Variants in CHM observed in about 807,000 individuals in gnomAD.
The protein encoded by CHM is CHM Rab escort protein.
CHM carries 10 observed loss-of-function variants against 49.0 expected under a neutral mutation model. That is an observed-to-expected ratio of 0.20 (90% CI 0.13 to 0.35). CHM has a LOEUF of 0.35. Among genes scored for constraint, CHM ranks in the 10% least tolerant of loss-of-function variants. CHM has a pLI of 1.00. For missense variants in CHM, 455 were observed against 478.4 expected, an observed-to-expected ratio of 0.95 and a Z score of 0.46; for synonymous variants, 184 against 167.5, an observed-to-expected ratio of 1.10 and a Z score of -0.76.
intron 8 of CHM, among the ~76,000 whole-genome samples, chrX:85,922,833 T>C (rs1445779981): frequency 2.7e-5 from 3 of 111,773 alleles, no homozygotes; most frequent in African/African-American, 6.5e-5. Flanking sequence ...TCATTATCTA[T>C]AAGGTTTTAC....
intron 2 of CHM, among the ~76,000 whole-genome samples, chrX:85,991,337 C>CT (rs1932177088): frequency 9.0e-6 from 1 of 111,548 alleles, no homozygotes; most frequent in Non-Finnish European, 1.9e-5. Context: ...ATTTGCAGAA[C>CT]TGCAATTGAA....
At chrX:85,956,012 T>C (rs1929988899) in intron 8 of CHM, 141 bp downstream of exon 8, 4 of 488,136 alleles carry the variant, frequency 8.2e-6, no homozygotes, top group Admixed American at 3.8e-5. Flanking sequence ...GGTAGGTAAA[T>C]AGATTATAAA....
intron 8 of CHM, among the ~76,000 whole-genome samples, chrX:85,939,613 G>A (rs1199956650): frequency 8.9e-6 from 1 of 112,471 alleles, no homozygotes; most frequent in Admixed American, 9.4e-5. Context: ...ATTAAGGGTG[G>A]AATATGAAGG....
At chrX:85,920,148 T>G (rs1239349527) in intron 8 of CHM, among the ~76,000 whole-genome samples, 1 of 109,167 alleles carries the variant, frequency 9.2e-6, no homozygotes, top group Non-Finnish European at 1.9e-5. Context: ...CAGGCTGGAG[T>G]GCAGTGGCGC....
At chrX:86,014,610 C>G (rs1213294267) in intron 2 of CHM, among the ~76,000 whole-genome samples, 1 of 112,549 alleles carries the variant, frequency 8.9e-6, no homozygotes, top group Non-Finnish European at 1.9e-5. Context: ...GGGGTGTCCC[C>G]GGCTGTGGAG....
intron 7 of CHM, among the ~76,000 whole-genome samples, chrX:85,957,441 T>C (rs1339654054): frequency 4.5e-5 from 5 of 110,737 alleles, no homozygotes; most frequent in Non-Finnish European, 7.6e-5. Context: ...AAAGCAATCC[T>C]GGAAAATGAT....
At chrX:85,886,365 T>A (rs1403016013) in intron 12 of CHM, among the ~76,000 whole-genome samples, 1 of 111,930 alleles carries the variant, frequency 8.9e-6, no homozygotes, top group East Asian at 2.8e-4. Flanking sequence ...TCTATTGTGC[T>A]CAGGATATGC....
At chrX:86,008,847 G>A (rs1182211992) in intron 2 of CHM, among the ~76,000 whole-genome samples, 2 of 112,348 alleles carry the variant, frequency 1.8e-5, no homozygotes, top group Admixed American at 1.9e-4. Flanking sequence ...CAACTGTACT[G>A]TGGGCCACAG....
At chrX:85,873,525 G>A (rs1288620934) in intron 13 of CHM, among the ~76,000 whole-genome samples, 1 of 111,170 alleles carries the variant, frequency 9.0e-6, no homozygotes, top group Non-Finnish European at 1.9e-5. Context: ...TGTTTCAAAT[G>A]GACAAACCAA....
intron 2 of CHM, among the ~76,000 whole-genome samples, chrX:86,008,606 T>G (rs1932927628): frequency 8.9e-6 from 1 of 111,992 alleles, no homozygotes; most frequent in African/African-American, 3.2e-5. Context: ...CTTCCCTTAA[T>G]AAACAGCTAT....
intron 12 of CHM, among the ~76,000 whole-genome samples, chrX:85,888,776 C>T (rs1023531905): frequency 8.0e-5 from 9 of 112,011 alleles, no homozygotes; most frequent in African/African-American, 2.9e-4. Context: ...AACTTTGAGA[C>T]AATAATTGCT....
Position 85,955,183 on chromosome X carries a change from G to T in CHM, c.1166+970C>A, listed in dbSNP as rs776094791. On this transcript the variant is annotated intron_variant, in intron 8 of 14. Coordinates refer to ENST00000357749, the MANE Select transcript of CHM (RefSeq NM_000390.4). ...AAAGAATGAATAAAATCTAGTGTTT[G>T]ATATTACAACAGAGTGACTACAGTC... Among the ~76,000 whole-genome samples the T allele has an allele frequency of 9.0e-5, 10 of 111,620 alleles. No homozygotes were observed. The South Asian group carries it at 3.8e-3, about 42-fold the overall frequency.
chrX:85,963,040 T>A (rs1347778946), intron 5 of CHM, among the ~76,000 whole-genome samples: 1 of 111,595 alleles, frequency 9.0e-6, no homozygotes, highest in Non-Finnish European at 1.9e-5. Context: ...GGGATACATG[T>A]GCAGAAAGTG....
intron 9 of CHM, among the ~76,000 whole-genome samples, chrX:85,906,101 G>T (rs952415279): frequency 1.8e-5 from 2 of 111,864 alleles, no homozygotes; most frequent in African/African-American, 6.5e-5. Context: ...TTGCATGGAT[G>T]GGTGAATGGA....
At chrX:85,868,710 G>C (rs1003135221) in intron 14 of CHM, among the ~76,000 whole-genome samples, 1 of 111,289 alleles carries the variant, frequency 9.0e-6, no homozygotes, top group African/African-American at 3.3e-5. Flanking sequence ...TGCCTCTAGA[G>C]TTCCCCCATA....
At chrX:85,950,009 A>ATATATATATATATATATC (rs1569422903) in intron 8 of CHM, among the ~76,000 whole-genome samples, 5 of 81,297 alleles carry the variant, frequency 6.2e-5, no homozygotes, top group African/African-American at 2.3e-4. Flanking sequence ...ATATATATAT[A>ATATATATATATATATATC]TCTTGTAATG....
chrX:85,968,599 T>C (rs755125651), intron 4 of CHM, among the ~76,000 whole-genome samples: 3 of 111,977 alleles, frequency 2.7e-5, no homozygotes, highest in Non-Finnish European at 5.6e-5. Context: ...GCCAATAAGA[T>C]AATGATGAGT....
rs1923573984 is a variant in CHM at position 85,864,664 on chromosome X, G to C, written c.1928C>G (p.Thr643Arg). ...GGACTCCTCTAGGTTTCCAAGGTTT[G>C]TGCTTTCCTTGAAAGTCTCCGAGTT... ...EANSETFKES[T>R]NLGNLEESSE Residue 643 changes from threonine to arginine, a missense_variant, in exon 15 of 15, where the codon ACA (threonine) becomes AGA (arginine). Physicochemically the swap from Thr to Arg is moderately conservative, Grantham distance 71. Transcript: ENST00000357749. 8.3e-7 allele frequency: 1 copy of C among 1,210,039 alleles called. No homozygotes were observed. Among genetic ancestry groups the C allele is most frequent in the African/African-American group, 1.7e-5 (1 of 57,703 alleles).
chrX:85,868,312 G>A (rs1231544694), intron 14 of CHM, among the ~76,000 whole-genome samples: 6 of 110,934 alleles, frequency 5.4e-5, no homozygotes, highest in Non-Finnish European at 1.1e-4. Context: ...CTAATGTACA[G>A]CATGGTAACT....
Sources: allele counts gnomAD v4.1 joint callset (sites outside exome capture counted in the v4.1 genomes callset), GRCh38; gene constraint gnomAD v4.1.1; transcripts MANE v1.5; gene names NCBI Gene and HGNC (gene_info 2026-07-23, HGNC 2026-07-21).